Variants in CEP63 observed in about 807,000 individuals in gnomAD.
CEP63 encodes the protein centrosomal protein of 63 kDa.
CEP63 carries 84 observed loss-of-function variants against 89.1 expected under a neutral mutation model. The observed-to-expected ratio is 0.94, with a 90% CI of 0.79 to 1.13. The LOEUF is 1.13. Ranked by LOEUF, CEP63 falls within the 50% of genes most tolerant of loss-of-function variation. The pLI is 0.00. For synonymous variants in CEP63, 267 were observed against 272.5 expected (o/e 0.98, Z 0.20); for missense variants, 838 against 813.3 (o/e 1.03, Z -0.37).
intron 4 of CEP63, 134 bp from the exon 5 acceptor site, chr3:134,532,644 G>A: frequency 1.6e-6 from 1 of 630,538 alleles, no homozygotes; most frequent in Non-Finnish European, 2.7e-6. Context: ...TTCCTTTTGT[G>A]TTTTAGTTTG....
the CEP63 span, among the ~76,000 whole-genome samples, chr3:134,757,048 G>A: frequency 6.6e-6 from 1 of 152,194 alleles, no homozygotes; most frequent in East Asian, 1.9e-4. Context: ...CAGGTTCTGA[G>A]CCTCTAAAGC....
chr3:134,550,798 G>A (rs1257889991), intron 11 of CEP63, among the ~76,000 whole-genome samples: 7 of 152,180 alleles, frequency 4.6e-5, no homozygotes, highest in Non-Finnish European at 1.0e-4. Context: ...GTAAAATTCA[G>A]TGGTCCTTAA....
chr3:134,525,127 C>T (rs568995222), intron 3 of CEP63, among the ~76,000 whole-genome samples: 14 of 152,034 alleles, frequency 9.2e-5, no homozygotes, highest in South Asian at 4.2e-4. Flanking sequence ...TATGTGTCCA[C>T]GAATTTATCC....
At chr3:134,620,775 A>C in the CEP63 span, 1 of 1,613,672 alleles carries the variant, frequency 6.2e-7, no homozygotes, top group Non-Finnish European at 8.5e-7. Context: ...CCAGATCCAG[A>C]TGGCGCGGAC....
At chr3:134,695,119 T>C in the CEP63 span, among the ~76,000 whole-genome samples, 2 of 152,168 alleles carry the variant, frequency 1.3e-5, no homozygotes, top group African/African-American at 4.8e-5. Flanking sequence ...GGGACCTGCC[T>C]GAGCTGTGCG....
intron 2 of CEP63, among the ~76,000 whole-genome samples, chr3:134,500,620 T>C (rs1271137214): frequency 1.3e-5 from 2 of 152,242 alleles, no homozygotes; most frequent in African/African-American, 4.8e-5. Flanking sequence ...GACTTTTTAA[T>C]AATAGCCATT....
chr3:134,682,837 T>C, the CEP63 span, among the ~76,000 whole-genome samples: 5 of 152,132 alleles, frequency 3.3e-5, no homozygotes, highest in Non-Finnish European at 5.9e-5. Context: ...ATAAATTAAG[T>C]GATGCACCTA....
chr3:134,572,869 AC>A (rs1215012558), intron 11 of CEP63, among the ~76,000 whole-genome samples: 1 of 152,188 alleles, frequency 6.6e-6, no homozygotes, highest in African/African-American at 2.4e-5. Flanking sequence ...TTATATTCTC[AC>A]CAACAGTGTA....
At chr3:134,654,756 G>A in the CEP63 span, among the ~76,000 whole-genome samples, 1 of 152,190 alleles carries the variant, frequency 6.6e-6, no homozygotes, top group Non-Finnish European at 1.5e-5. Context: ...CCTGTGGGGA[G>A]GGTCTCATGA....
At chr3:134,590,174 C>G (rs760528046), downstream of CEP63, among the ~76,000 whole-genome samples, 38 of 152,072 alleles carry the variant, frequency 2.5e-4, no homozygotes, top group Admixed American at 2.0e-3. Flanking sequence ...CTGTACATTG[C>G]CAAACCACCA....
the CEP63 span, among the ~76,000 whole-genome samples, chr3:134,676,029 T>G: frequency 6.6e-6 from 1 of 152,220 alleles, no homozygotes; most frequent in African/African-American, 2.4e-5. Context: ...ATTCCACTCC[T>G]AGGTATACAC....
chr3:134,665,652 GACACACACACACACACACACAC>G, the CEP63 span, among the ~76,000 whole-genome samples: 14 of 95,826 alleles, frequency 1.5e-4, no homozygotes, highest in South Asian at 1.9e-3. Context: ...GGAAACAGAG[GACACACACACACACACACACAC>G]ACACACACAC....
the CEP63 span, among the ~76,000 whole-genome samples, chr3:134,654,256 G>C: frequency 2.0e-5 from 3 of 152,144 alleles, no homozygotes; most frequent in Non-Finnish European, 4.4e-5. Context: ...GCTTGCTCCT[G>C]GCAGTTGAAG....
chr3:134,576,142 GAA>G (rs1958208199), downstream of CEP63, among the ~76,000 whole-genome samples: 1 of 152,188 alleles, frequency 6.6e-6, no homozygotes. Context: ...GCCTTTGGAT[GAA>G]AGAGCCTTGG....
chr3:134,556,445 G>A (rs974681404), intron 12 of CEP63, among the ~76,000 whole-genome samples: 3 of 151,984 alleles, frequency 2.0e-5, no homozygotes, highest in Admixed American at 6.6e-5. Flanking sequence ...TTGTAAGGGG[G>A]AAAGTGGGAA....
At chr3:134,672,255 C>T in the CEP63 span, among the ~76,000 whole-genome samples, 3 of 152,114 alleles carry the variant, frequency 2.0e-5, no homozygotes, top group Admixed American at 6.6e-5. Context: ...GCATCTGCCT[C>T]GTTAGGTTAT....
chr3:134,777,721 C>A, the CEP63 span, among the ~76,000 whole-genome samples: 6 of 148,090 alleles, frequency 4.1e-5, no homozygotes, highest in East Asian at 8.0e-4. Context: ...TCAAGCAATT[C>A]TCCTGCCTCA....
chr3:134,624,745 A>G, the CEP63 span, among the ~76,000 whole-genome samples: 1 of 152,082 alleles, frequency 6.6e-6, no homozygotes, highest in Non-Finnish European at 1.5e-5. Context: ...AAATGCCAAA[A>G]GGGGCATGGA....
downstream of CEP63, among the ~76,000 whole-genome samples, chr3:134,579,019 A>G (rs988591668): frequency 1.3e-5 from 2 of 152,198 alleles, no homozygotes; most frequent in Non-Finnish European, 1.5e-5. Context: ...TGGCCTCCCA[A>G]AGTGCTGGAT....
Sources: allele counts gnomAD v4.1 joint callset (sites outside exome capture counted in the v4.1 genomes callset), GRCh38; gene constraint gnomAD v4.1.1; transcripts MANE v1.5; gene names NCBI Gene and HGNC (gene_info 2026-07-23, HGNC 2026-07-21).